Variants in CRYBG1 observed in about 807,000 individuals in gnomAD.
CRYBG1 encodes beta/gamma crystallin domain-containing protein 1.
In CRYBG1, 139 loss-of-function variants were observed where a neutral mutation model predicts 189.2. The ratio of observed to expected loss-of-function variants is 0.73; its 90% CI spans 0.64 to 0.85. The LOEUF (loss-of-function observed/expected upper bound fraction) is 0.85, where lower values mean the gene tolerates loss of function less well. Ranked by LOEUF, CRYBG1 falls within the 40% of genes least tolerant of loss-of-function variation. The pLI, the probability that CRYBG1 is intolerant of heterozygous loss-of-function variation, is 0.00. For synonymous variants in CRYBG1, 1,023 were observed against 1,017.1 expected, an observed-to-expected ratio of 1.01 and a Z score of -0.11; for missense variants, 2,611 against 2,675.8, an observed-to-expected ratio of 0.98 and a Z score of 0.53.
intron 2 of CRYBG1, among the ~76,000 whole-genome samples, chr6:106,452,937 A>G (rs1582771021): frequency 6.6e-6 from 1 of 152,222 alleles, no homozygotes; most frequent in Non-Finnish European, 1.5e-5. Flanking sequence ...TATAAGATCA[A>G]TGAGGGTTAA....
Position 106,539,470 on chromosome 6 carries a change from G to C in CRYBG1, c.4786G>C (p.Asp1596His). The C allele has an allele frequency of 6.2e-7, 1 of 1,613,996 alleles. No homozygotes were observed. The highest frequency in any genetic ancestry group is 8.5e-7 in the Non-Finnish European group (1 of 1,179,908). ...PFILEPGEYPDLSFWDTEEAY... is the reference protein window; with the variant it reads ...PFILEPGEYPHLSFWDTEEAY... ...CATCCTGGAACCTGGTGAATACCCT[G>C]ACTTGTCCTTCTGGGATACAGAAGA... Residue 1596 changes from aspartate (D) to histidine (H), a missense_variant, in exon 9 of 22, where the codon GAC becomes CAC. Coordinates refer to ENST00000633556, the MANE Select transcript of CRYBG1 (RefSeq NM_001371242.2).
At chr6:106,497,160 C>G (rs1772869781) in intron 2 of CRYBG1, among the ~76,000 whole-genome samples, 1 of 152,128 alleles carries the variant, frequency 6.6e-6, no homozygotes, top group Admixed American at 6.6e-5. Context: ...TCCCCACCCC[C>G]CATGACACCA....
intron 2 of CRYBG1, among the ~76,000 whole-genome samples, chr6:106,488,558 A>T (rs78476556): frequency 0.011 from 1,742 of 151,900 alleles, 31 homozygotes; most frequent in East Asian, 0.068. Context: ...GTGCCACCTT[A>T]CCAGTTGTCA....
intron 1 of CRYBG1, among the ~76,000 whole-genome samples, chr6:106,380,875 T>C (rs956762170): frequency 3.3e-5 from 5 of 152,180 alleles, no homozygotes; most frequent in African/African-American, 1.2e-4. Context: ...TTTCCACCCT[T>C]TTCAGTGGGG....
chr6:106,564,096 G>A (rs968741426), intron 21 of CRYBG1, among the ~76,000 whole-genome samples, 170 bp downstream of exon 21: 5 of 152,046 alleles, frequency 3.3e-5, no homozygotes, highest in African/African-American at 1.2e-4. Context: ...ACCATGTCCC[G>A]TCATCTTCAC....
intron 2 of CRYBG1, among the ~76,000 whole-genome samples, chr6:106,505,100 CTTT>C (rs374942804): frequency 1.4e-5 from 2 of 141,048 alleles, no homozygotes; most frequent in African/African-American, 2.6e-5. Context: ...ACCTGGCTAA[CTTT>C]TTTTTTTTTT....
intron 7 of CRYBG1, 106 bp downstream of exon 7, chr6:106,527,576 G>A: frequency 9.0e-7 from 1 of 1,115,724 alleles, no homozygotes; most frequent in East Asian, 2.5e-5. Context: ...AAACATATTT[G>A]GTGCCTTATG....
chr6:106,477,426 G>A (rs1253444426), intron 2 of CRYBG1, among the ~76,000 whole-genome samples: 2 of 152,090 alleles, frequency 1.3e-5, no homozygotes, highest in Non-Finnish European at 2.9e-5. Context: ...TTTAGTGGGG[G>A]AAAATTCTGC....
intron 3 of CRYBG1, 127 bp from the exon 4 acceptor site, chr6:106,519,004 C>A (rs1773513862): frequency 1.3e-5 from 13 of 1,000,932 alleles, no homozygotes. Context: ...CACACACACA[C>A]ACACCACACT....
At chr6:106,444,669 C>T (rs1771630858) in intron 1 of CRYBG1, among the ~76,000 whole-genome samples, 2 of 152,198 alleles carry the variant, frequency 1.3e-5, no homozygotes, top group African/African-American at 4.8e-5. Context: ...TTTTGCTTAA[C>T]TTTCACAGAC....
chr6:106,370,609 T>C (rs1375334988), intron 1 of CRYBG1, among the ~76,000 whole-genome samples: 1 of 152,182 alleles, frequency 6.6e-6, no homozygotes, highest in Non-Finnish European at 1.5e-5. Flanking sequence ...TTTATCCCAC[T>C]TGAGGCTTAT....
intron 1 of CRYBG1, among the ~76,000 whole-genome samples, chr6:106,389,150 CT>C (rs984123149): frequency 2.6e-5 from 4 of 151,640 alleles, no homozygotes; most frequent in South Asian, 2.1e-4. Context: ...TTTTGTAAAT[CT>C]TTTTTTTAGA....
chr6:106,507,012 A>G (rs571830940), intron 2 of CRYBG1, among the ~76,000 whole-genome samples: 3 of 152,238 alleles, frequency 2.0e-5, no homozygotes. Context: ...AGCAAATGTT[A>G]CAAGGTAACA....
At chr6:106,543,385 T>G in intron 10 of CRYBG1, 55 bp from the exon 11 acceptor site, 1 of 1,506,670 alleles carries the variant, frequency 6.6e-7, no homozygotes, top group South Asian at 1.2e-5. Flanking sequence ...TGATTTAATG[T>G]TAAGCTGTTG....
At chr6:106,408,101 G>C (rs995300602) in intron 1 of CRYBG1, among the ~76,000 whole-genome samples, 1 of 152,072 alleles carries the variant, frequency 6.6e-6, no homozygotes, top group Non-Finnish European at 1.5e-5. Flanking sequence ...TTTTTGAAAA[G>C]ATTAACAAAA....
chr6:106,477,636 C>A (rs964808161), intron 2 of CRYBG1, among the ~76,000 whole-genome samples: 4 of 152,190 alleles, frequency 2.6e-5, no homozygotes, highest in Non-Finnish European at 4.4e-5. Context: ...CTCTGAGTTA[C>A]CCCTGGTGAT....
chr6:106,568,644 C>G lies in CRYBG1; in HGVS notation c.*78C>G, dbSNP rs980262860. The G allele has an allele frequency of 5.7e-6, 6 of 1,061,264 alleles. No homozygotes were observed. The highest frequency in any genetic ancestry group is 2.0e-5 in the Admixed American group (1 of 51,278). 65.7% of individuals were successfully genotyped at this position (1,061,264 alleles called of 1,614,324 possible). On this transcript the variant is annotated 3_prime_UTR_variant, in exon 22 of 22. Transcript: ENST00000633556. ...AAAAAGGACAATGCTGATGGAAGACCAGACTGGAAAGTGGATCGACTCCTC... is the reference window on the plus strand; with the variant it reads ...AAAAAGGACAATGCTGATGGAAGACGAGACTGGAAAGTGGATCGACTCCTC...
chr6:106,521,497 C>A, intron 4 of CRYBG1, 44 bp downstream of exon 4: 1 of 1,508,712 alleles, frequency 6.6e-7, no homozygotes, highest in Non-Finnish European at 8.9e-7. Context: ...ATTTTTAAAG[C>A]AAGGGAAGAG....
intron 1 of CRYBG1, among the ~76,000 whole-genome samples, chr6:106,431,594 C>A (rs910687): frequency 0.4 from 60,190 of 152,054 alleles, 12,465 homozygotes; most frequent in East Asian, 0.68. Flanking sequence ...AAAAAAATCA[C>A]TGTGTTCTGT....
Sources: allele counts gnomAD v4.1 joint callset (sites outside exome capture counted in the v4.1 genomes callset), GRCh38; gene constraint gnomAD v4.1.1; transcripts MANE v1.5; gene names NCBI Gene and HGNC (gene_info 2026-07-23, HGNC 2026-07-21).